The following FRMPD4 variants were observed in gnomAD, a reference collection of about 807,000 sequenced individuals.
FRMPD4 encodes the protein FERM and PDZ domain-containing protein 4.
Under a neutral mutation model 94.1 loss-of-function variants are expected in FRMPD4, and 22 were observed. That is an observed-to-expected ratio of 0.23 (90% CI 0.17 to 0.33). FRMPD4 has a LOEUF of 0.33. Among genes scored for constraint, FRMPD4 ranks in the 10% least tolerant of loss-of-function variants. FRMPD4 has a pLI of 1.00. For synonymous variants in FRMPD4, 631 were observed against 548.6 expected, an observed-to-expected ratio of 1.15 and a Z score of -2.10; for missense variants, 1,111 against 1,339.9, an observed-to-expected ratio of 0.83 and a Z score of 2.67.
At chrX:12,565,808 C>T (rs182043791) in intron 2 of FRMPD4, among the ~76,000 whole-genome samples, 2 of 112,064 alleles carry the variant, frequency 1.8e-5, no homozygotes, top group Admixed American at 1.9e-4. Flanking sequence ...CAACATAAGA[C>T]ATTAACAATG....
At chrX:12,383,775 T>C (rs761742992) in intron 1 of FRMPD4, among the ~76,000 whole-genome samples, 1 of 111,841 alleles carries the variant, frequency 8.9e-6, no homozygotes, top group Non-Finnish European at 1.9e-5. Flanking sequence ...ACACTTGACG[T>C]GAAATAAATA....
At chrX:12,409,751 T>C (rs191615122) in intron 1 of FRMPD4, among the ~76,000 whole-genome samples, 37 of 112,393 alleles carry the variant, frequency 3.3e-4, no homozygotes, top group African/African-American at 1.2e-3. Context: ...TCAGTTTTAC[T>C]GAAGGAATTA....
intron 2 of FRMPD4, among the ~76,000 whole-genome samples, chrX:12,549,234 G>A (rs1049759182): frequency 9.0e-6 from 1 of 111,625 alleles, no homozygotes; most frequent in Non-Finnish European, 1.9e-5. Flanking sequence ...GTGTCACGAA[G>A]GGAAATATCT....
At chrX:12,224,341 C>T (rs970024572) in intron 1 of FRMPD4, among the ~76,000 whole-genome samples, 1 of 110,568 alleles carries the variant, frequency 9.0e-6, no homozygotes, top group Non-Finnish European at 1.9e-5. Flanking sequence ...CTCAACCTCC[C>T]CAGGCTCAGG....
chrX:12,112,832 A>C lies in FRMPD4; in HGVS notation c.95+234814A>C, dbSNP rs1315735658. 2.7e-5 allele frequency among the ~76,000 whole-genome samples: 3 copies of C among 110,829 alleles called. No homozygotes were observed. In the East Asian group the frequency reaches 8.4e-4, roughly 31 times the overall value. ...ACACCCATCTTTCTTGTGGGAACCT[A>C]AGTCTGTGTGGTTTATATGGGTTGA... On this transcript the variant is annotated intron_variant, in intron 3 of 18. Transcript: ENST00000640291.
chrX:12,613,619 G>A (rs1301834121), intron 3 of FRMPD4, among the ~76,000 whole-genome samples: 1 of 112,308 alleles, frequency 8.9e-6, no homozygotes, highest in Non-Finnish European at 1.9e-5. Context: ...GCTGAGGTGG[G>A]AGGATTGCTT....
chrX:11,908,672 C>G (rs887568580), intron 3 of FRMPD4, among the ~76,000 whole-genome samples: 1 of 111,684 alleles, frequency 9.0e-6, no homozygotes, highest in Non-Finnish European at 1.9e-5. Context: ...GTGATCATTT[C>G]CAGGCAAGAA....
intron 1 of FRMPD4, among the ~76,000 whole-genome samples, chrX:12,183,566 T>C (rs1416932675): frequency 8.9e-6 from 1 of 111,991 alleles, no homozygotes; most frequent in Non-Finnish European, 1.9e-5. Context: ...TACCCAGAGA[T>C]TGAAGTCTGA....
At chrX:12,471,838 T>C (rs1401786907) in intron 1 of FRMPD4, among the ~76,000 whole-genome samples, 5 of 112,194 alleles carry the variant, frequency 4.5e-5, no homozygotes, top group Admixed American at 3.8e-4. Flanking sequence ...AATGCTTCCC[T>C]GGCCAAGCAA....
At chrX:12,060,850 C>T (rs2147460697) in intron 3 of FRMPD4, among the ~76,000 whole-genome samples, 1 of 112,143 alleles carries the variant, frequency 8.9e-6, no homozygotes, top group South Asian at 3.7e-4. Flanking sequence ...TCTGAGTCTG[C>T]TGCTGCACAT....
intron 3 of FRMPD4, among the ~76,000 whole-genome samples, chrX:12,028,525 T>A (rs894399304): frequency 1.8e-4 from 20 of 111,088 alleles, no homozygotes; most frequent in Non-Finnish European, 3.8e-4. Context: ...GGGTTCATTC[T>A]CGGTGTTGTA....
At chrX:12,114,759 G>A (rs1333849955) in intron 3 of FRMPD4, among the ~76,000 whole-genome samples, 5 of 111,937 alleles carry the variant, frequency 4.5e-5, no homozygotes, top group East Asian at 2.8e-4. Context: ...CTTTTTAACC[G>A]TCTTTAAAAT....
At chrX:12,078,897 A>G (rs1312152147) in intron 3 of FRMPD4, among the ~76,000 whole-genome samples, 2 of 111,497 alleles carry the variant, frequency 1.8e-5, no homozygotes, top group African/African-American at 6.5e-5. Context: ...AATCAACCTC[A>G]ATTGAGATCC....
chrX:12,422,619 G>A (rs2056898123), intron 1 of FRMPD4, among the ~76,000 whole-genome samples: 1 of 112,382 alleles, frequency 8.9e-6, no homozygotes, highest in Non-Finnish European at 1.9e-5. Context: ...TACAGAGGAT[G>A]AGGAAAGCTC....
At chrX:12,290,005 G>A (rs2054661290) in intron 1 of FRMPD4, among the ~76,000 whole-genome samples, 1 of 111,767 alleles carries the variant, frequency 8.9e-6, no homozygotes, top group Non-Finnish European at 1.9e-5. Flanking sequence ...AATAGAGAAG[G>A]AACTTTCCCC....
At chrX:12,126,229 G>C (rs2055498635) in intron 3 of FRMPD4, among the ~76,000 whole-genome samples, 2 of 112,132 alleles carry the variant, frequency 1.8e-5, no homozygotes, top group Admixed American at 1.9e-4. Flanking sequence ...GACACAGCAG[G>C]AAACAGGAAG....
rs544831128 is a variant in FRMPD4, at chrX:12,678,628, C to G, written c.468+3720C>G. 1.0e-3 allele frequency among the ~76,000 whole-genome samples: 116 copies of G among 111,460 alleles called. 2 individuals are homozygous for G. The South Asian group carries it at 0.042, about 41-fold the overall frequency. ...ATCACCTGAGGTCGGGAGTTCGAGA[C>G]CAGCCTGATCAACATGGAGAAACCC... On this transcript the variant is annotated intron_variant, in intron 5 of 16. Coordinates refer to ENST00000675598, the MANE Select transcript of FRMPD4 (RefSeq NM_001368397.1).
chrX:12,009,117 G>C (rs2054568655), intron 3 of FRMPD4, among the ~76,000 whole-genome samples: 1 of 111,982 alleles, frequency 8.9e-6, no homozygotes, highest in East Asian at 2.8e-4. Flanking sequence ...TAACTGTAAA[G>C]AATGTGAGCC....
intron 3 of FRMPD4, among the ~76,000 whole-genome samples, chrX:11,884,270 T>C (rs1201192253): frequency 8.9e-6 from 1 of 112,466 alleles, no homozygotes; most frequent in Admixed American, 9.4e-5. Context: ...ATGATGGCTC[T>C]ACTTGTTTAT....
Sources: allele counts gnomAD v4.1 joint callset (sites outside exome capture counted in the v4.1 genomes callset), GRCh38; gene constraint gnomAD v4.1.1; transcripts MANE v1.5; gene names NCBI Gene and HGNC (gene_info 2026-07-23, HGNC 2026-07-21).